TRRAP: variants seen among roughly 807,000 people sequenced by gnomAD.
The protein encoded by TRRAP is transformation/transcription domain-associated protein.
A neutral mutation model predicts 438.8 loss-of-function variants in TRRAP; 41 were observed. The ratio of observed to expected loss-of-function variants is 0.09; its 90% CI spans 0.07 to 0.12. TRRAP has a LOEUF of 0.12. Among genes scored for constraint, TRRAP ranks in the 10% least tolerant of loss-of-function variants. The pLI is 1.00. For synonymous variants in TRRAP, 1,994 were observed against 1,962.9 expected, an observed-to-expected ratio of 1.02 and a Z score of -0.42; for missense variants, 3,122 against 5,055.1, an observed-to-expected ratio of 0.62 and a Z score of 11.60.
intron 62 of TRRAP, among the ~76,000 whole-genome samples, chr7:98,986,888 G>A (rs1027370661): frequency 6.6e-6 from 1 of 152,190 alleles, no homozygotes; most frequent in Admixed American, 6.5e-5. Context: ...GTGTGAGGTA[G>A]GGGTCTATAT....
chr7:99,004,857 T>C (rs551270582), intron 68 of TRRAP, among the ~76,000 whole-genome samples: 2 of 152,328 alleles, frequency 1.3e-5, no homozygotes, highest in South Asian at 2.1e-4. Flanking sequence ...CTTTTCTATA[T>C]GTCCAGAGTT....
At chr7:98,888,493 C>T (rs1554404291) in intron 3 of TRRAP, among the ~76,000 whole-genome samples, 2 of 152,126 alleles carry the variant, frequency 1.3e-5, no homozygotes, top group African/African-American at 4.8e-5. Context: ...GCCAAGATCA[C>T]GCCATTGCAC....
At position 98,971,931 on chromosome 7, in the gene TRRAP, C is replaced by T. The variant is rs369424518; in HGVS notation, c.7825C>T (p.Leu2609Phe). ...TNRHDKFLDT[L>F]REVKTGALLS... ...CAGGCACGACAAGTTTCTGGACACT[C>T]TCCGAGAGGTGAAGGTCTGTACGCA... Residue 2609 changes from leucine (L) to phenylalanine (F), a missense_variant, in exon 53 of 73, where the codon CTC (leucine) becomes TTC (phenylalanine). Physicochemically the swap from Leu to Phe is conservative, Grantham distance 22 (BLOSUM62 0). Around this residue, in one of 24 missense-constraint regions of TRRAP, gnomAD observed 992 missense variants for 1,281.2 expected, o/e 0.77. Coordinates refer to ENST00000456197, the MANE Select transcript of TRRAP (RefSeq NM_001375524.1). The T allele has an allele frequency of 1.2e-6, 2 of 1,614,200 alleles. No individual in the cohort carries two copies. The highest frequency in any genetic ancestry group is 1.7e-6 in the Non-Finnish European group (2 of 1,180,008).
chr7:98,919,824 C>G (rs1299164991), intron 20 of TRRAP, among the ~76,000 whole-genome samples: 1 of 152,154 alleles, frequency 6.6e-6, no homozygotes, highest in African/African-American at 2.4e-5. Context: ...GAGACACACA[C>G]AGGCTCAAGG....
chr7:98,915,714 AC>A lies in TRRAP; in HGVS notation c.2200-5del, dbSNP rs1554409484. 1 of 1,612,528 alleles carries A rather than the reference AC, an allele frequency of 6.2e-7. No homozygotes were observed. The highest frequency in any genetic ancestry group is 1.7e-5 in the Admixed American group (1 of 59,918). ...GATGCCACTAATCTGCGTCTTCTCC[AC>A]CCCGCAGCCTCACTTGCACAAGATT... On this transcript the variant is annotated splice_polypyrimidine_tract_variant and splice_region_variant and intron_variant, in intron 18 of 72. Coordinates refer to ENST00000456197, the MANE Select transcript of TRRAP (RefSeq NM_001375524.1).
At chr7:98,927,418 G>A (rs782120208) in intron 23 of TRRAP, 52 bp downstream of exon 23, 1 of 1,581,400 alleles carries the variant, frequency 6.3e-7, no homozygotes, top group East Asian at 2.3e-5. Flanking sequence ...ACTTTTATAG[G>A]TGCTTTAAAA....
At chr7:98,888,894 G>GA (rs1376635717) in intron 3 of TRRAP, among the ~76,000 whole-genome samples, 4 of 152,092 alleles carry the variant, frequency 2.6e-5, no homozygotes, top group Admixed American at 1.3e-4. Flanking sequence ...CTGAGGGCAT[G>GA]AATATTATGT....
Position 98,967,041 on chromosome 7 carries a change from A to G in TRRAP, c.7177A>G (p.Thr2393Ala), listed in dbSNP as rs1312731353. The G allele has an allele frequency of 2.5e-6, 4 of 1,606,080 alleles. No homozygotes were observed. Among genetic ancestry groups the G allele is most frequent in the Admixed American group, 3.5e-5 (2 of 57,754 alleles). ...KNNSPMAANQ[T>A]PTLREKSILL... ...GCGTCTTTTCTCAAATTTCATACAG[A>G]CACCTACACTCCGGGAGAAGTCCAT... The change falls in exon 50 of 73, where the codon ACA (threonine) becomes GCA (alanine). Residue 2393 changes from threonine to alanine, a missense_variant and splice_region_variant. Around this residue, in one of 24 missense-constraint regions of TRRAP, gnomAD observed 992 missense variants for 1,281.2 expected, o/e 0.77. Transcript: ENST00000456197.
At chr7:98,972,068 GA>G in intron 53 of TRRAP, 123 bp downstream of exon 53, 1 of 1,345,592 alleles carries the variant, frequency 7.4e-7, no homozygotes, top group Non-Finnish European at 9.8e-7. Flanking sequence ...TTTGAGATGG[GA>G]TGTTGCTTTG....
At chr7:98,965,009 A>C (rs1792087269) in intron 48 of TRRAP, among the ~76,000 whole-genome samples, 1 of 152,228 alleles carries the variant, frequency 6.6e-6, no homozygotes, top group Non-Finnish European at 1.5e-5. Flanking sequence ...CCAGCTCCTC[A>C]GCGGGCTGAG....
At chr7:98,995,307 A>G (rs934127858) in intron 67 of TRRAP, among the ~76,000 whole-genome samples, 7 of 148,440 alleles carry the variant, frequency 4.7e-5, no homozygotes, top group African/African-American at 1.8e-4. Flanking sequence ...GTGAGCCAGT[A>G]GGAGACAGCG....
At chr7:98,995,166 G>A (rs1793593495) in intron 67 of TRRAP, among the ~76,000 whole-genome samples, 2 of 152,170 alleles carry the variant, frequency 1.3e-5, no homozygotes, top group Non-Finnish European at 2.9e-5. Context: ...GGGAAACAGG[G>A]TAGGGTGGGG....
intron 62 of TRRAP, among the ~76,000 whole-genome samples, chr7:98,987,041 T>G (rs111944334): frequency 0.034 from 5,132 of 152,144 alleles, 266 homozygotes; most frequent in African/African-American, 0.12. Flanking sequence ...TCCTAGCACT[T>G]TGGGAGGCTG....
At chr7:99,007,924 C>T (rs1269823977) in intron 69 of TRRAP, among the ~76,000 whole-genome samples, 1 of 150,238 alleles carries the variant, frequency 6.7e-6, no homozygotes, top group Non-Finnish European at 1.5e-5. Flanking sequence ...CTCCCTGGTT[C>T]AGGTGATTCT....
intron 24 of TRRAP, among the ~76,000 whole-genome samples, chr7:98,930,410 C>G (rs782356545): frequency 6.6e-6 from 1 of 152,118 alleles, no homozygotes; most frequent in Non-Finnish European, 1.5e-5. Context: ...AACCCCGTCT[C>G]TACTAAAAAT....
Position 98,982,017 on chromosome 7 carries a change from G to A in TRRAP, c.8826+57G>A, listed in dbSNP as rs951075280. On this transcript the variant is annotated intron_variant, in intron 59 of 72. Transcript: ENST00000456197. The stretch of plus-strand genomic sequence containing the variant: ...CTGTGGCCTGTCGCAGCCAAGCGCC[G>A]GTGTCCAGGCTTAGGTCTGCAGACT... 3.5e-5 allele frequency: 50 copies of A among 1,443,994 alleles called. No homozygotes were observed. In the African/African-American group the frequency reaches 5.1e-4, roughly 15 times the overall value. 89.4% of individuals were successfully genotyped at this position (1,443,994 alleles called of 1,614,324 possible). A position where few individuals can be genotyped will look rare whatever the true frequency, so the allele number is the denominator to read the frequency against.
At chr7:98,930,915 T>C (rs1398718073) in intron 25 of TRRAP, 85 bp downstream of exon 25, 1 of 1,517,510 alleles carries the variant, frequency 6.6e-7, no homozygotes, top group Non-Finnish European at 9.0e-7. Context: ...CTTCTGCAAA[T>C]ATGCTCTCCT....
rs1445888902 is a variant in TRRAP at position 98,992,161 on chromosome 7, G to A, written c.9781G>A (p.Val3261Ile). The change falls in exon 65 of 73, where the codon GTC (valine) becomes ATC (isoleucine). Residue 3261 changes from valine to isoleucine, a missense_variant. Transcript: ENST00000456197. ...GGTTGGACGCGTGTATCCCCAAGCG[G>A]TCTACTTTCCCATCCGGACCCTGTA... ...SQVGRVYPQA[V>I]YFPIRTLYLT... The A allele has an allele frequency of 6.2e-7, 1 of 1,614,086 alleles. No individual in the cohort carries two copies. The highest frequency in any genetic ancestry group is 8.5e-7 in the Non-Finnish European group (1 of 1,180,050).
At chr7:99,004,588 G>A (rs77407222) in intron 68 of TRRAP, among the ~76,000 whole-genome samples, 173 bp downstream of exon 68, 284 of 152,300 alleles carry the variant, frequency 1.9e-3, no homozygotes, top group Non-Finnish European at 3.5e-3. Flanking sequence ...AGTTCTGCCC[G>A]CGCTGACTGG....
Sources: allele counts gnomAD v4.1 joint callset (sites outside exome capture counted in the v4.1 genomes callset), GRCh38; gene constraint gnomAD v4.1.1; regional missense constraint gnomAD v4.1.1; transcripts MANE v1.5; gene names NCBI Gene and HGNC (gene_info 2026-07-23, HGNC 2026-07-21).